Variants in ASPG observed in about 807,000 individuals in gnomAD.
ASPG encodes asparaginase, also known as 60 kDa lysophospholipase.
Under a neutral mutation model 63.2 loss-of-function variants are expected in ASPG, and 53 were observed. The observed-to-expected ratio is 0.84, with a 90% CI of 0.67 to 1.05. ASPG has a LOEUF of 1.05. Among genes scored for constraint, ASPG ranks in the 50% least tolerant of loss-of-function variants. The pLI is 0.00. For missense variants in ASPG, 741 were observed against 794.4 expected, an observed-to-expected ratio of 0.93 and a Z score of 0.81; for synonymous variants, 370 against 355.0, an observed-to-expected ratio of 1.04 and a Z score of -0.48.
In ASPG at chr14:104,112,509, C is replaced by T; in HGVS notation, c.1702-15C>T. On this transcript the variant is annotated splice_polypyrimidine_tract_variant and intron_variant, in intron 15 of 15. Coordinates refer to ENST00000551177, the MANE Select transcript of ASPG (RefSeq NM_001080464.3). ...TCTACCTGGGTGTCCTTCTCAGGAG[C>T]CCTCATGTTTTCAGGAAGTGCTGCC... 1.5e-6 allele frequency: 2 copies of T among 1,360,806 alleles called. No homozygotes were observed. The highest frequency in any genetic ancestry group is 1.2e-5 in the South Asian group (1 of 85,736). 84.3% of individuals were successfully genotyped at this position (1,360,806 alleles called of 1,614,324 possible).
chr14:104,090,982 C>A (rs2036349060), intron 1 of ASPG, among the ~76,000 whole-genome samples: 1 of 152,178 alleles, frequency 6.6e-6, no homozygotes, highest in Non-Finnish European at 1.5e-5. Context: ...TCTCCCGCCT[C>A]AACCTCCCAA....
rs2036358288 is a variant in ASPG at position 104,091,310 on chromosome 14, A to G, written c.83-1323A>G. 6.6e-6 allele frequency among the ~76,000 whole-genome samples: 1 copy of G among 152,134 alleles called. No homozygotes were observed. The highest frequency in any genetic ancestry group is 2.1e-4 in the South Asian group (1 of 4,826). ...TGGGGTTCACAAGGCTGGTGAATCC[A>G]GACCTTTGTTCCGGCAGCCCGTGTC... is the stretch of plus-strand genomic sequence containing the variant. On this transcript the variant is annotated intron_variant, in intron 1 of 15. Coordinates refer to ENST00000551177, the MANE Select transcript of ASPG (RefSeq NM_001080464.3). The surrounding 1 kb of genome is among the most constrained non-coding windows in gnomAD (Gnocchi z 6.4).
intron 6 of ASPG, among the ~76,000 whole-genome samples, chr14:104,100,647 GAACAC>G (rs1350017294): frequency 6.6e-6 from 1 of 152,212 alleles, no homozygotes; most frequent in Non-Finnish European, 1.5e-5. Context: ...GTGAGGCCCA[GAACAC>G]ATCAGTGTGT....
chr14:104,104,616 T>C lies in ASPG; in HGVS notation c.937-6T>C, dbSNP rs376822437. 5.0e-6 allele frequency: 8 copies of C among 1,603,284 alleles called. No homozygotes were observed. In the African/African-American group the frequency reaches 1.1e-4, roughly 21 times the overall value. On this transcript the variant is annotated splice_polypyrimidine_tract_variant and splice_region_variant and intron_variant, in intron 8 of 15. Transcript: ENST00000551177. ...CCCTTCCTGCCCACACGCCCCCTCC[T>C]CACAGGCCATGGCGGGAGCCGGCGT...
Position 104,109,937 on chromosome 14 carries a change from G to A in ASPG, c.1520+622G>A, listed in dbSNP as rs1394336187. 1.1e-5 allele frequency: 11 copies of A among 984,646 alleles called. No individual in the cohort carries two copies. The highest frequency in any genetic ancestry group is 6.2e-5 in the Admixed American group (1 of 16,258). The allele number at this position is 984,646 out of a possible 1,614,324, so 61.0% of individuals were successfully genotyped here. On this transcript the variant is annotated intron_variant, in intron 13 of 15. Transcript: ENST00000551177. This position sits in a 1 kb window ranked among gnomAD's most constrained non-coding sequence, Gnocchi z 4.8. Reference sequence around the variant, plus strand: ...ATGTTGTTGTTGGGGAGACTGAGGCGCAGGGAGGCCTTCGGCGAGGGTGTC... The same window carrying A: ...ATGTTGTTGTTGGGGAGACTGAGGCACAGGGAGGCCTTCGGCGAGGGTGTC...
intron 12 of ASPG, chr14:104,108,444 G>A (rs1213980355): frequency 8.1e-6 from 8 of 985,274 alleles, no homozygotes; most frequent in African/African-American, 5.2e-5. Context: ...GCCTCGCTCC[G>A]CTGCCAGGCT....
At position 104,110,016 on chromosome 14, in the gene ASPG, G is replaced by A. The variant is rs771407347; in HGVS notation, c.1520+701G>A. On this transcript the variant is annotated intron_variant, in intron 13 of 15. Transcript: ENST00000551177. This position sits in a 1 kb window ranked among gnomAD's most constrained non-coding sequence, Gnocchi z 4.7. ...CAGGGATCCTCCTCTGTCCGCCACA[G>A]CCAGAATCGCTGCCCCCCACCCCAT... is the stretch of plus-strand genomic sequence containing the variant. 5 of 985,284 alleles carry A rather than the reference G, an allele frequency of 5.1e-6. No individual in the cohort carries two copies. The highest frequency in any genetic ancestry group is 1.7e-5 in the African/African-American group (1 of 57,228). 61.0% of individuals were successfully genotyped at this position (985,284 alleles called of 1,614,324 possible).
chr14:104,108,541 G>T, intron 12 of ASPG: 1 of 985,430 alleles, frequency 1.0e-6, no homozygotes, highest in Admixed American at 6.1e-5. Flanking sequence ...CTCCCTAAAT[G>T]GGGTGATGGG....
chr14:104,098,021 C>T (rs9324073), intron 5 of ASPG, among the ~76,000 whole-genome samples: 19 of 78,232 alleles, frequency 2.4e-4, no homozygotes, highest in Non-Finnish European at 3.4e-4. Flanking sequence ...TATGGAGGTT[C>T]TGCGTTAGAG....
chr14:104,105,312 C>A lies in ASPG; in HGVS notation c.1051-16C>A. The A allele has an allele frequency of 6.2e-7, 1 of 1,612,610 alleles. No individual in the cohort carries two copies. Among genetic ancestry groups the A allele is most frequent in the Non-Finnish European group, 8.5e-7 (1 of 1,179,746 alleles). ...CAGCCCTGGCAGAGCCACTTCACCTCTGTTCTCTCCACCAGCTGCTGACCA... is the reference window on the plus strand; with the variant it reads ...CAGCCCTGGCAGAGCCACTTCACCTATGTTCTCTCCACCAGCTGCTGACCA... On this transcript the variant is annotated splice_polypyrimidine_tract_variant and intron_variant, in intron 9 of 15. Transcript: ENST00000551177.
At chr14:104,107,456 A>G in intron 12 of ASPG, 111 bp downstream of exon 12, 1 of 1,117,688 alleles carries the variant, frequency 8.9e-7, no homozygotes, top group Non-Finnish European at 1.2e-6. Context: ...GGTGGAGGAC[A>G]CCTGCTTCCT....
chr14:104,104,609 C>A lies in ASPG; in HGVS notation c.937-13C>A. On this transcript the variant is annotated splice_polypyrimidine_tract_variant and intron_variant, in intron 8 of 15. Coordinates refer to ENST00000551177, the MANE Select transcript of ASPG (RefSeq NM_001080464.3). The stretch of plus-strand genomic sequence containing the variant: ...TGAGTCGCCCTTCCTGCCCACACGC[C>A]CCCTCCTCACAGGCCATGGCGGGAG... 1 of 1,600,258 alleles carries A rather than the reference C, an allele frequency of 6.2e-7. No homozygotes were observed. The highest frequency in any genetic ancestry group is 1.7e-4 in the Middle Eastern group (1 of 6,010).
At chr14:104,093,404 G>A in intron 2 of ASPG, 87 bp from the exon 3 acceptor site, 1 of 1,235,602 alleles carries the variant, frequency 8.1e-7, no homozygotes. Flanking sequence ...CTGCCAGAGG[G>A]GAACAGAGCG....
At chr14:104,106,549 C>T (rs2141042688) in intron 10 of ASPG, among the ~76,000 whole-genome samples, 1 of 152,208 alleles carries the variant, frequency 6.6e-6, no homozygotes, top group South Asian at 2.1e-4. Context: ...GGGGACAGGG[C>T]TGGATGGTGG....
intron 5 of ASPG, 125 bp downstream of exon 5, chr14:104,097,762 C>A: frequency 1.3e-6 from 1 of 796,838 alleles, no homozygotes; most frequent in South Asian, 1.7e-5. Flanking sequence ...GGTGCACTGT[C>A]TTCTAGATCT....
At chr14:104,102,544 G>T (rs2036925197) in intron 6 of ASPG, among the ~76,000 whole-genome samples, 1 of 152,180 alleles carries the variant, frequency 6.6e-6, no homozygotes, top group African/African-American at 2.4e-5. Flanking sequence ...CCTCCAGGGT[G>T]TTTACTGCCC....
rs1319702900 is a variant in ASPG, at chr14:104,103,615, C to T, written c.693C>T (p.His231=). Residue 231 remains histidine, a synonymous_variant, in exon 7 of 16, where the codon CAC becomes CAT. Transcript: ENST00000551177. The part of the protein sequence containing the change: ...KVDGKAGLVV[H]SSMEQDVGLL... ...ACGGGAAGGCTGGGCTGGTGGTGCA[C>T]AGCAGCATGGAGCAGGACGTGGGCC... 5.8e-6 allele frequency: 9 copies of T among 1,548,054 alleles called. No homozygotes were observed. The East Asian group carries it at 1.7e-4, about 29-fold the overall frequency.
At chr14:104,093,112 G>C (rs1464483120) in intron 2 of ASPG, 5 of 479,122 alleles carry the variant, frequency 1.0e-5, no homozygotes, top group Non-Finnish European at 1.9e-5. Context: ...CCAGCTCCCT[G>C]ATGTCCCCCA....
At chr14:104,094,081 C>T (rs1596070968) in intron 3 of ASPG, among the ~76,000 whole-genome samples, 2 of 151,910 alleles carry the variant, frequency 1.3e-5, no homozygotes, top group Non-Finnish European at 1.5e-5. Context: ...GGAATGGCAG[C>T]TTCAGGAAAG....
Sources: allele counts gnomAD v4.1 joint callset (sites outside exome capture counted in the v4.1 genomes callset), GRCh38; gene constraint gnomAD v4.1.1; non-coding constraint Gnocchi (gnomAD v3.1); transcripts MANE v1.5; gene names NCBI Gene and HGNC (gene_info 2026-07-23, HGNC 2026-07-21).